The following CFDP1 variants were observed in gnomAD, a reference collection of about 807,000 sequenced individuals.
CFDP1 encodes the protein chromatin remodeling protein CFDP1.
CFDP1 carries 31 observed loss-of-function variants against 40.1 expected under a neutral mutation model. That is an observed-to-expected ratio of 0.77 (90% confidence interval 0.58 to 1.04). CFDP1 has a LOEUF of 1.04. CFDP1 is among the 50% of genes least tolerant of loss of function. The pLI is 0.00. For missense variants in CFDP1, 423 were observed against 343.4 expected (o/e 1.23, Z -1.83); for synonymous variants, 167 against 120.0 (o/e 1.39, Z -2.56).
At chr16:75,306,492 G>C (rs2078258172) in intron 5 of CFDP1, 1 of 152,230 alleles carries the variant, frequency 6.6e-6, no homozygotes, top group African/African-American at 2.4e-5. Context: ...CTTTAGTAGA[G>C]AGGATGTCAA....
At chr16:75,387,852 T>C (rs150412567) in intron 5 of CFDP1, among the ~76,000 whole-genome samples, 116 of 151,696 alleles carry the variant, frequency 7.6e-4, no homozygotes, top group Non-Finnish European at 1.5e-3. Flanking sequence ...CTTCACTTTC[T>C]TGAGACAGGA....
intron 4 of CFDP1, among the ~76,000 whole-genome samples, chr16:75,407,555 C>T (rs1314870832): frequency 6.7e-6 from 1 of 149,896 alleles, no homozygotes; most frequent in Non-Finnish European, 1.5e-5. Flanking sequence ...TGGCATATGC[C>T]TGTAGCTCCA....
At chr16:75,318,074 TCGCGCCACTGCACTCCAG>T (rs906717990) in intron 5 of CFDP1, among the ~76,000 whole-genome samples, 13 of 151,820 alleles carry the variant, frequency 8.6e-5, no homozygotes, top group African/African-American at 2.2e-4. Context: ...TGTGCCGAGA[TCGCGCCACTGCACTCCAG>T]CGCGCCACTG....
At chr16:75,343,361 G>C (rs1310411253) in intron 5 of CFDP1, among the ~76,000 whole-genome samples, 1 of 151,900 alleles carries the variant, frequency 6.6e-6, no homozygotes, top group Non-Finnish European at 1.5e-5. Context: ...CCACCTCTGA[G>C]CAGTCCTCAA....
chr16:75,305,496 G>A (rs984000176), intron 5 of CFDP1: 2 of 269,900 alleles, frequency 7.4e-6, no homozygotes, highest in Non-Finnish European at 1.4e-5. Flanking sequence ...GCTTCAGGCA[G>A]GGCTTTGGAG....
chr16:75,382,331 T>A (rs2078859559), intron 5 of CFDP1, among the ~76,000 whole-genome samples: 1 of 152,188 alleles, frequency 6.6e-6, no homozygotes, highest in African/African-American at 2.4e-5. Flanking sequence ...AAAACACTGA[T>A]CCTTTGCTTT....
In CFDP1 at chr16:75,338,541, ACTT is replaced by A. The variant is rs1396133732; in HGVS notation, c.651-33362_651-33360del. On this transcript the variant is annotated intron_variant, in intron 5 of 6. Transcript: ENST00000283882. ...ATATCAGAGCACAGTGTGAATGAGA[ACTT>A]CTGGGTGGCTGTTTCTACCTGCGTC... is the stretch of plus-strand genomic sequence containing the variant. 3.3e-5 allele frequency among the ~76,000 whole-genome samples: 5 copies of A among 152,092 alleles called. No homozygotes were observed. In the East Asian group the frequency reaches 9.6e-4, roughly 29 times the overall value.
Position 75,354,400 on chromosome 16 carries a change from G to A in CFDP1, c.650+40690C>T, listed in dbSNP as rs115763798. ...AGAAAGTTGAAAGAGATCACAGAGC[G>A]GGATATGGCCAGGGAGGAATGTGAA... On this transcript the variant is annotated intron_variant, in intron 5 of 6. Coordinates refer to ENST00000283882, the MANE Select transcript of CFDP1 (RefSeq NM_006324.3). 8.2e-3 allele frequency among the ~76,000 whole-genome samples: 1,249 copies of A among 152,206 alleles called. 21 individuals are homozygous for A. The highest frequency in any genetic ancestry group is 0.028 in the African/African-American group (1,142 of 41,518).
chr16:75,294,094 C>T, intron 6 of CFDP1, 52 bp from the exon 7 acceptor site: 2 of 1,364,414 alleles, frequency 1.5e-6, no homozygotes, highest in African/African-American at 1.4e-5. Context: ...AAAAACTCCT[C>T]CCCTGCACAG....
intron 4 of CFDP1, among the ~76,000 whole-genome samples, chr16:75,397,762 C>T (rs1597382775): frequency 6.6e-6 from 1 of 151,988 alleles, no homozygotes; most frequent in African/African-American, 2.4e-5. Context: ...GCCGAGATCC[C>T]GCCACTGCAC....
At chr16:75,354,612 T>G (rs769920194) in intron 5 of CFDP1, among the ~76,000 whole-genome samples, 7 of 152,352 alleles carry the variant, frequency 4.6e-5, no homozygotes, top group Admixed American at 1.3e-4. Context: ...TGGGTAAAAG[T>G]ACATGGCACT....
intron 5 of CFDP1, among the ~76,000 whole-genome samples, chr16:75,332,308 T>C (rs2078451842): frequency 6.6e-6 from 1 of 151,742 alleles, no homozygotes; most frequent in Non-Finnish European, 1.5e-5. Flanking sequence ...CTACTAAAAA[T>C]ACAAAAATTA....
chr16:75,375,169 G>A (rs1257296030), intron 5 of CFDP1, among the ~76,000 whole-genome samples: 1 of 150,672 alleles, frequency 6.6e-6, no homozygotes, highest in African/African-American at 2.4e-5. Context: ...AACCTTATAG[G>A]CAGATTTCTT....
At chr16:75,371,723 G>A (rs1279908077) in intron 5 of CFDP1, among the ~76,000 whole-genome samples, 4 of 152,138 alleles carry the variant, frequency 2.6e-5, no homozygotes. Flanking sequence ...AAAAGTAAGT[G>A]AATTTCAGTC....
Position 75,347,359 on chromosome 16 carries a change from A to AAAAAGAAAAAGAAAAAG in CFDP1, c.651-42178_651-42177insCTTTTTCTTTTTCTTTT, listed in dbSNP as rs1555556962. ...ACTCCATCTCAAAAAAAAAAAAAAA[A>AAAAAGAAAAAGAAAAAG]AAAAAGAAAAAGAAAAAGAAAAAGA... is the stretch of plus-strand genomic sequence containing the variant. On this transcript the variant is annotated intron_variant, in intron 5 of 6. Coordinates refer to ENST00000283882, the MANE Select transcript of CFDP1 (RefSeq NM_006324.3). 5.6e-5 allele frequency among the ~76,000 whole-genome samples: 3 copies of AAAAAGAAAAAGAAAAAG among 53,696 alleles called. 1 individual carries two copies. The highest frequency in any genetic ancestry group is 7.6e-4 in the East Asian group (2 of 2,630). 35.2% of individuals were successfully genotyped at this position (53,696 alleles called of 152,430 possible). A position where few individuals can be genotyped will look rare whatever the true frequency, so the allele number is the denominator to read the frequency against.
intron 4 of CFDP1, among the ~76,000 whole-genome samples, chr16:75,398,228 T>A (rs2079014405): frequency 6.6e-6 from 1 of 152,216 alleles, no homozygotes; most frequent in Non-Finnish European, 1.5e-5. Context: ...ACATTTACAT[T>A]TTGTGAGTAA....
At chr16:75,348,639 GC>G (rs148283329) in intron 5 of CFDP1, among the ~76,000 whole-genome samples, 2,350 of 152,056 alleles carry the variant, frequency 0.015, 57 homozygotes, top group African/African-American at 0.053. Context: ...TTTACTGCAA[GC>G]TTTTTTTTGT....
At chr16:75,343,363 AG>A (rs1405432620) in intron 5 of CFDP1, among the ~76,000 whole-genome samples, 1 of 152,072 alleles carries the variant, frequency 6.6e-6, no homozygotes, top group Non-Finnish European at 1.5e-5. Context: ...ACCTCTGAGC[AG>A]TCCTCAAGGA....
intron 1 of CFDP1, among the ~76,000 whole-genome samples, chr16:75,420,003 C>G (rs900634306): frequency 6.7e-6 from 1 of 149,238 alleles, no homozygotes; most frequent in Admixed American, 6.8e-5. Flanking sequence ...CTCTTGGGGT[C>G]TGGGTCTGGA....
Sources: gnomAD v4.1 joint callset for allele counts (sites outside exome capture counted in the v4.1 genomes callset) on GRCh38, gnomAD v4.1.1 for gene constraint, MANE v1.5 for transcripts, NCBI Gene and HGNC (gene_info 2026-07-23, HGNC 2026-07-21) for gene names.